The following ASTN2 variants were observed in gnomAD, a reference collection of about 807,000 sequenced individuals.
The protein encoded by ASTN2 is astrotactin 2, also known as astrotactin-2.
Under a neutral mutation model 139.8 loss-of-function variants are expected in ASTN2, and 54 were observed. That is an observed-to-expected ratio of 0.39 (90% CI 0.31 to 0.48). The LOEUF (loss-of-function observed/expected upper bound fraction) is 0.48, where lower values mean the gene tolerates loss of function less well. ASTN2 is among the 20% of genes least tolerant of loss of function. The pLI is 0.95. For synonymous variants in ASTN2, 756 were observed against 719.5 expected, an observed-to-expected ratio of 1.05 and a Z score of -0.81; for missense variants, 1,565 against 1,725.1, an observed-to-expected ratio of 0.91 and a Z score of 1.64.
At chr9:116,570,559 C>A (rs1236539279) in intron 19 of ASTN2, among the ~76,000 whole-genome samples, 1 of 152,144 alleles carries the variant, frequency 6.6e-6, no homozygotes, top group African/African-American at 2.4e-5. Flanking sequence ...CCATGCCCGG[C>A]TAATTTTTTT....
rs377757375 is a variant in ASTN2, at chr9:117,132,853, T to C, written c.1168+8473A>G. On this transcript the variant is annotated intron_variant, in intron 4 of 22. Coordinates refer to ENST00000313400, the MANE Select transcript of ASTN2 (RefSeq NM_001365068.1). ...ATCTTTGAAGATGCCAGGGTGCCGA[T>C]TCCAGGATGCAACAAATCTACAGCA... Among the ~76,000 whole-genome samples the C allele has an allele frequency of 9.9e-4, 151 of 152,318 alleles. 1 individual carries two copies. In the South Asian group the frequency reaches 0.029, roughly 29 times the overall value.
intron 1 of ASTN2, among the ~76,000 whole-genome samples, chr9:117,331,014 G>A (rs941955440): frequency 6.6e-6 from 1 of 152,172 alleles, no homozygotes; most frequent in Admixed American, 6.5e-5. Context: ...GCAGTGTCCT[G>A]CAGCATGCAA....
At chr9:117,170,062 T>G (rs1031279992) in intron 3 of ASTN2, among the ~76,000 whole-genome samples, 1 of 152,146 alleles carries the variant, frequency 6.6e-6, no homozygotes, top group Admixed American at 6.6e-5. Context: ...GTTATACCTC[T>G]TGGGGAAGGT....
At chr9:116,656,372 T>G (rs1345256497) in intron 16 of ASTN2, among the ~76,000 whole-genome samples, 1 of 152,314 alleles carries the variant, frequency 6.6e-6, no homozygotes, top group Non-Finnish European at 1.5e-5. Context: ...AACAGATGAA[T>G]AGCTGAGCAC....
chr9:116,466,960 C>T (rs1344270118), intron 20 of ASTN2, among the ~76,000 whole-genome samples: 3 of 152,098 alleles, frequency 2.0e-5, no homozygotes, highest in Non-Finnish European at 4.4e-5. Flanking sequence ...GTACCTATAG[C>T]CACTGACGAA....
intron 19 of ASTN2, among the ~76,000 whole-genome samples, chr9:116,508,999 AT>A (rs972015719): frequency 1.6e-4 from 25 of 151,884 alleles, no homozygotes; most frequent in East Asian, 5.8e-4. Flanking sequence ...TTATCTCTGA[AT>A]TTTTTTATAT....
intron 11 of ASTN2, among the ~76,000 whole-genome samples, chr9:116,839,566 G>A (rs746956262): frequency 1.1e-4 from 16 of 151,716 alleles, no homozygotes; most frequent in Non-Finnish European, 1.9e-4. Flanking sequence ...TGCAACCTCT[G>A]CCTCCCAGGT....
intron 1 of ASTN2, among the ~76,000 whole-genome samples, chr9:117,413,424 T>C (rs1831226585): frequency 6.6e-6 from 1 of 152,212 alleles, no homozygotes; most frequent in Admixed American, 6.5e-5. Flanking sequence ...ACGGGCGCTG[T>C]TGTTGGCCAG....
intron 10 of ASTN2, among the ~76,000 whole-genome samples, chr9:116,947,537 A>C (rs1256690591): frequency 6.6e-6 from 1 of 152,186 alleles, no homozygotes; most frequent in Non-Finnish European, 1.5e-5. Flanking sequence ...AGTTACATGC[A>C]TCTTTTTCTT....
At chr9:116,615,258 G>C (rs144159777) in intron 19 of ASTN2, among the ~76,000 whole-genome samples, 17,551 of 152,056 alleles carry the variant, frequency 0.12, 1,078 homozygotes, top group East Asian at 0.16. Flanking sequence ...GAAATAGGAA[G>C]ACTTTTACAC....
chr9:116,465,753 G>A lies in ASTN2; in HGVS notation c.3497+21606C>T, dbSNP rs113852558. ...CAAACACAAACCCACTTTGCTCTGC[G>A]GATTAGACTAATGCAGATTCAGGAG... is the stretch of plus-strand genomic sequence containing the variant. On this transcript the variant is annotated intron_variant, in intron 20 of 22. Transcript: ENST00000313400. Among the ~76,000 whole-genome samples the A allele has an allele frequency of 1.2e-4, 19 of 152,260 alleles. 1 individual carries two copies. The highest frequency in any genetic ancestry group is 4.3e-4 in the African/African-American group (18 of 41,548).
rs73519438 is a variant in ASTN2 at position 116,762,076 on chromosome 9, C to T, written c.2397-28553G>A. 8.7e-3 allele frequency among the ~76,000 whole-genome samples: 1,332 copies of T among 152,256 alleles called. 18 individuals are homozygous for T. Among genetic ancestry groups the T allele is most frequent in the African/African-American group, 0.031 (1,283 of 41,546 alleles). Reference sequence around the variant, plus strand: ...AATAATTCCTCCTTTGTGGAGTTTTCAGTGAAGAACTAATGAGATAATTTG... The same window carrying T: ...AATAATTCCTCCTTTGTGGAGTTTTTAGTGAAGAACTAATGAGATAATTTG... On this transcript the variant is annotated intron_variant, in intron 13 of 22. Transcript: ENST00000313400.
intron 1 of ASTN2, among the ~76,000 whole-genome samples, chr9:117,325,047 G>A (rs1158671103): frequency 6.6e-6 from 1 of 152,222 alleles, no homozygotes; most frequent in East Asian, 1.9e-4. Flanking sequence ...CTGCATTTCA[G>A]GAGCACTGAA....
chr9:117,165,455 G>C (rs1830649572), intron 3 of ASTN2, among the ~76,000 whole-genome samples: 1 of 152,042 alleles, frequency 6.6e-6, no homozygotes, highest in South Asian at 2.1e-4. Context: ...AGCCCTGCCT[G>C]ACTGACCCAG....
At chr9:116,463,925 T>C (rs1286222052) in intron 20 of ASTN2, among the ~76,000 whole-genome samples, 2 of 150,590 alleles carry the variant, frequency 1.3e-5, no homozygotes, top group Non-Finnish European at 3.0e-5. Context: ...TTTTTTTTTT[T>C]TTGAGAGAGA....
intron 10 of ASTN2, among the ~76,000 whole-genome samples, chr9:116,906,031 C>T (rs1834149282): frequency 6.6e-6 from 1 of 152,052 alleles, no homozygotes; most frequent in African/African-American, 2.4e-5. Flanking sequence ...TTCCTGTTCT[C>T]CACTGACCCT....
chr9:116,669,749 T>C (rs1033027093), intron 16 of ASTN2, among the ~76,000 whole-genome samples: 3 of 152,158 alleles, frequency 2.0e-5, no homozygotes, highest in African/African-American at 7.2e-5. Flanking sequence ...TTGTCTTTCA[T>C]AGAGCAGAAG....
chr9:116,869,891 C>T (rs573144419), intron 10 of ASTN2, among the ~76,000 whole-genome samples: 13 of 151,796 alleles, frequency 8.6e-5, no homozygotes, highest in Admixed American at 3.3e-4. Flanking sequence ...ATCGCTTGAG[C>T]CCAGGAGTTC....
intron 12 of ASTN2, among the ~76,000 whole-genome samples, chr9:116,820,003 G>A (rs1014179806): frequency 7.2e-5 from 11 of 152,198 alleles, no homozygotes; most frequent in African/African-American, 2.2e-4. Flanking sequence ...TGGTCCCAAC[G>A]TGTTCCCCTT....
Sources: gnomAD v4.1 joint callset for allele counts (sites outside exome capture counted in the v4.1 genomes callset) on GRCh38, gnomAD v4.1.1 for gene constraint, MANE v1.5 for transcripts, NCBI Gene and HGNC (gene_info 2026-07-23, HGNC 2026-07-21) for gene names.